BTAF1: variants seen among roughly 807,000 people sequenced by gnomAD.
The protein encoded by BTAF1 is B-TFIID TATA-box binding protein associated factor 1.
A neutral mutation model predicts 227.1 loss-of-function variants in BTAF1; 38 were observed. The ratio of observed to expected loss-of-function variants is 0.17; its 90% confidence interval spans 0.13 to 0.22. The LOEUF (loss-of-function observed/expected upper bound fraction) is 0.22, where lower values mean the gene tolerates loss of function less well. Among genes scored for constraint, BTAF1 ranks in the 10% least tolerant of loss-of-function variants. The pLI, the probability that BTAF1 is intolerant of heterozygous loss-of-function variation, is 1.00. For missense variants in BTAF1, 1,598 were observed against 2,204.0 expected (o/e 0.73, Z 5.51); for synonymous variants, 742 against 751.9 (o/e 0.99, Z 0.21).
intron 25 of BTAF1, among the ~76,000 whole-genome samples, chr10:92,000,823 G>A (rs562246198): frequency 6.6e-6 from 1 of 152,186 alleles, no homozygotes; most frequent in East Asian, 1.9e-4. Context: ...CAAAGTGCTG[G>A]GATTACAGGC....
chr10:91,987,339 C>T (rs1029178310), intron 19 of BTAF1, among the ~76,000 whole-genome samples: 10 of 152,034 alleles, frequency 6.6e-5, no homozygotes, highest in Non-Finnish European at 7.4e-5. Context: ...AAAAATTAGC[C>T]GGGCGTGGTG....
intron 37 of BTAF1, among the ~76,000 whole-genome samples, chr10:92,027,922 A>G (rs1162831667): frequency 1.3e-5 from 2 of 152,220 alleles, no homozygotes; most frequent in Non-Finnish European, 2.9e-5. Flanking sequence ...GTATATGATG[A>G]TTAAAACTAG....
intron 19 of BTAF1, among the ~76,000 whole-genome samples, chr10:91,986,895 G>GC (rs1848429422): frequency 6.6e-6 from 1 of 151,956 alleles, no homozygotes; most frequent in African/African-American, 2.4e-5. Context: ...TTTCAAAGGA[G>GC]CCACTGCCTT....
chr10:91,975,969 T>A (rs1438702363), intron 14 of BTAF1, among the ~76,000 whole-genome samples: 1 of 152,224 alleles, frequency 6.6e-6, no homozygotes, highest in East Asian at 1.9e-4. Flanking sequence ...TCTGACAGTC[T>A]ACCTGGAATT....
intron 14 of BTAF1, among the ~76,000 whole-genome samples, chr10:91,976,725 A>G (rs529426909): frequency 1.1e-4 from 17 of 152,178 alleles, no homozygotes; most frequent in Non-Finnish European, 1.8e-4. Context: ...ATTGGCAACT[A>G]TTCCTTACGA....
chr10:91,986,309 T>C (rs1589882014), intron 19 of BTAF1, among the ~76,000 whole-genome samples: 1 of 152,224 alleles, frequency 6.6e-6, no homozygotes, highest in Non-Finnish European at 1.5e-5. Context: ...TGTATTTGTC[T>C]TTCCTTATGC....
At chr10:92,028,728 A>G in intron 37 of BTAF1, 62 bp from the exon 38 acceptor site, 1 of 1,475,390 alleles carries the variant, frequency 6.8e-7, no homozygotes, top group South Asian at 1.3e-5. Flanking sequence ...TTTAAAGGAA[A>G]ATACAATTTG....
chr10:91,942,663 A>G, intron 4 of BTAF1, 95 bp downstream of exon 4: 3 of 1,327,770 alleles, frequency 2.3e-6, no homozygotes, highest in Non-Finnish European at 3.1e-6. Context: ...GTAAACTAAC[A>G]TGTCATGAAA....
chr10:92,007,761 C>A (rs904262650), intron 25 of BTAF1, among the ~76,000 whole-genome samples: 1 of 152,160 alleles, frequency 6.6e-6, no homozygotes, highest in Non-Finnish European at 1.5e-5. Context: ...CCATAGGGGT[C>A]GCGCAGACCA....
At chr10:91,933,335 T>G (rs1035605239) in intron 1 of BTAF1, among the ~76,000 whole-genome samples, 2 of 152,082 alleles carry the variant, frequency 1.3e-5, no homozygotes, top group African/African-American at 4.8e-5. Flanking sequence ...CAGTTGGGAG[T>G]GTGAAACTGG....
At chr10:91,924,696 T>A (rs771730578) in intron 1 of BTAF1, among the ~76,000 whole-genome samples, 1 of 152,222 alleles carries the variant, frequency 6.6e-6, no homozygotes, top group Non-Finnish European at 1.5e-5. Context: ...AAATCACAGA[T>A]CTTATATTCT....
At chr10:91,927,768 CAT>C (rs963295506) in intron 1 of BTAF1, among the ~76,000 whole-genome samples, 1 of 152,140 alleles carries the variant, frequency 6.6e-6, no homozygotes, top group Non-Finnish European at 1.5e-5. Flanking sequence ...AAGCCTGTAA[CAT>C]ATACTAATTT....
chr10:91,946,719 A>C (rs1004299613), intron 4 of BTAF1, among the ~76,000 whole-genome samples: 2 of 152,224 alleles, frequency 1.3e-5, no homozygotes. Context: ...ATGTCAATTC[A>C]TATAACTTGC....
At chr10:91,950,864 A>T in intron 4 of BTAF1, among the ~76,000 whole-genome samples, 2 of 136,680 alleles carry the variant, frequency 1.5e-5, no homozygotes, top group African/African-American at 2.9e-5. Context: ...ACAGGGTCTC[A>T]CTCTGTTTCC....
In BTAF1 at chr10:92,028,955, A is replaced by G. The variant is rs764670515; in HGVS notation, c.*22A>G. On this transcript the variant is annotated 3_prime_UTR_variant, in exon 38 of 38. Coordinates refer to ENST00000265990, the MANE Select transcript of BTAF1 (RefSeq NM_003972.3). Reference sequence around the variant, plus strand: ...GTAACTATCAAATATTGTAAATGCAATTGCTGCTAGTTCAGTTACATTTCT... The same window carrying G: ...GTAACTATCAAATATTGTAAATGCAGTTGCTGCTAGTTCAGTTACATTTCT... 1.3e-6 allele frequency: 2 copies of G among 1,555,680 alleles called. No homozygotes were observed. The highest frequency in any genetic ancestry group is 8.7e-7 in the Non-Finnish European group (1 of 1,153,850).
At chr10:91,936,702 A>C (rs1564656202) in intron 2 of BTAF1, among the ~76,000 whole-genome samples, 1 of 152,234 alleles carries the variant, frequency 6.6e-6, no homozygotes, top group Non-Finnish European at 1.5e-5. Flanking sequence ...AGAAGGATGC[A>C]TATTAGGCAG....
Position 92,016,843 on chromosome 10 carries a change from G to A in BTAF1, c.4710+378G>A, listed in dbSNP as rs554587305. Among the ~76,000 whole-genome samples the A allele has an allele frequency of 1.4e-3, 216 of 152,020 alleles. 1 individual carries two copies. The highest frequency in any genetic ancestry group is 4.2e-3 in the African/African-American group (174 of 41,472). Reference sequence around the variant, plus strand: ...CTTTTTATATGGAATAATAAAATACGGATCTATGTATATTTGTTTCAATAT... The same window carrying A: ...CTTTTTATATGGAATAATAAAATACAGATCTATGTATATTTGTTTCAATAT... On this transcript the variant is annotated intron_variant, in intron 33 of 37. Coordinates refer to ENST00000265990, the MANE Select transcript of BTAF1 (RefSeq NM_003972.3).
chr10:92,020,235 A>G (rs1039188841), intron 34 of BTAF1, among the ~76,000 whole-genome samples: 3 of 152,134 alleles, frequency 2.0e-5, no homozygotes, highest in Admixed American at 6.5e-5. Context: ...TAAACAGTTT[A>G]TAATTCATGT....
Position 91,982,704 on chromosome 10 carries a change from T to C in BTAF1, c.2166T>C (p.Ser722=). ...TACTCTTCCATTTGAACTCCAAGTC[T>C]GCTTTACAGAGGATTAGTGTAGCTT... ...QLLLFHLNSK[S]ALQRISVALV... Residue 722 remains serine (S), a synonymous_variant, in exon 18 of 38, where the codon TCT becomes TCC. Coordinates refer to ENST00000265990, the MANE Select transcript of BTAF1 (RefSeq NM_003972.3). The C allele has an allele frequency of 6.2e-7, 1 of 1,613,982 alleles. No individual in the cohort carries two copies. The highest frequency in any genetic ancestry group is 8.5e-7 in the Non-Finnish European group (1 of 1,179,910).
Sources: gnomAD v4.1 joint callset for allele counts (sites outside exome capture counted in the v4.1 genomes callset) on GRCh38, gnomAD v4.1.1 for gene constraint, MANE v1.5 for transcripts, NCBI Gene and HGNC (gene_info 2026-07-23, HGNC 2026-07-21) for gene names.